SLC8A1: variants seen among roughly 807,000 people sequenced by gnomAD.
The protein encoded by SLC8A1 is sodium/calcium exchanger 1.
SLC8A1 carries 18 observed loss-of-function variants against 68.3 expected under a neutral mutation model. The observed-to-expected ratio is 0.26, with a 90% CI of 0.18 to 0.39. The LOEUF is 0.39. SLC8A1 is among the 10% of genes least tolerant of loss of function. The pLI is 1.00. For missense variants in SLC8A1, 985 were observed against 1,156.7 expected, an observed-to-expected ratio of 0.85 and a Z score of 2.15; for synonymous variants, 475 against 415.5, an observed-to-expected ratio of 1.14 and a Z score of -1.74.
chr2:40,237,730 G>T (rs896222674), intron 2 of SLC8A1, among the ~76,000 whole-genome samples: 1 of 151,962 alleles, frequency 6.6e-6, no homozygotes, highest in Non-Finnish European at 1.5e-5. Flanking sequence ...CCCCATCTTT[G>T]TGGTTTTATC....
At chr2:40,402,008 A>G (rs999094144) in intron 2 of SLC8A1, among the ~76,000 whole-genome samples, 1 of 152,176 alleles carries the variant, frequency 6.6e-6, no homozygotes, top group Non-Finnish European at 1.5e-5. Context: ...CCATCCATGA[A>G]TAAGGGCTGG....
intron 1 of SLC8A1, among the ~76,000 whole-genome samples, chr2:40,480,425 G>A (rs1704556933): frequency 6.6e-6 from 1 of 152,132 alleles, no homozygotes; most frequent in African/African-American, 2.4e-5. Flanking sequence ...ATCATGTGTG[G>A]ACACAGAAAG....
intron 2 of SLC8A1, among the ~76,000 whole-genome samples, chr2:40,391,466 G>T (rs1685240831): frequency 6.6e-6 from 1 of 150,520 alleles, no homozygotes; most frequent in Non-Finnish European, 1.5e-5. Context: ...GGCAAACTAG[G>T]AGATTACAGC....
At chr2:40,250,963 G>T (rs1299168426) in intron 2 of SLC8A1, 1 of 152,140 alleles carries the variant, frequency 6.6e-6, no homozygotes, top group Non-Finnish European at 1.5e-5. Context: ...ACTCCCACCA[G>T]CTATCAAATG....
intron 2 of SLC8A1, among the ~76,000 whole-genome samples, chr2:40,426,308 T>C (rs1030837089): frequency 6.6e-6 from 1 of 151,948 alleles, no homozygotes; most frequent in Non-Finnish European, 1.5e-5. Flanking sequence ...CCTAAGAACA[T>C]ATATATAGAG....
intron 2 of SLC8A1, among the ~76,000 whole-genome samples, chr2:40,315,365 G>A (rs1329436953): frequency 6.6e-6 from 1 of 151,460 alleles, no homozygotes; most frequent in Admixed American, 6.6e-5. Flanking sequence ...AAAAATGGAA[G>A]GTTAGTCACA....
chr2:40,429,175 G>A, exon 2 of SLC8A1: 1 of 1,613,616 alleles, frequency 6.2e-7, no homozygotes, highest in Non-Finnish European at 8.5e-7. Flanking sequence ...CATGAGGCGA[G>A]TAGCTTGAAT....
At chr2:40,159,687 A>G (rs1447932067) in intron 6 of SLC8A1, among the ~76,000 whole-genome samples, 1 of 152,154 alleles carries the variant, frequency 6.6e-6, no homozygotes, top group African/African-American at 2.4e-5. Context: ...CAAATTCCAA[A>G]TCCACTCTCC....
chr2:40,459,352 T>C (rs1459678588), intron 1 of SLC8A1, among the ~76,000 whole-genome samples: 1 of 148,134 alleles, frequency 6.8e-6, no homozygotes, highest in Middle Eastern at 3.2e-3. Context: ...ACAGATAAAA[T>C]GATATAGGAC....
intron 2 of SLC8A1, among the ~76,000 whole-genome samples, chr2:40,304,814 G>A (rs2072260263): frequency 6.6e-6 from 1 of 152,106 alleles, no homozygotes; most frequent in Non-Finnish European, 1.5e-5. Flanking sequence ...GCTCAGCGAT[G>A]CTCACCTAGA....
chr2:40,099,384 A>G (rs1273079524), exon 8 of SLC8A1: 1 of 152,120 alleles, frequency 6.6e-6, no homozygotes, highest in East Asian at 1.9e-4. Context: ...TCAGTTAAGT[A>G]TTACTGATAA....
At chr2:40,386,703 T>C (rs1480889297) in intron 2 of SLC8A1, among the ~76,000 whole-genome samples, 1 of 150,638 alleles carries the variant, frequency 6.6e-6, no homozygotes, top group Non-Finnish European at 1.5e-5. Context: ...AGTCAGTAAG[T>C]CCATATATTC....
At chr2:40,340,138 A>C (rs1667224142) in intron 2 of SLC8A1, among the ~76,000 whole-genome samples, 1 of 152,236 alleles carries the variant, frequency 6.6e-6, no homozygotes, top group Non-Finnish European at 1.5e-5. Context: ...GATATATTGC[A>C]TGCTCTTTGG....
At chr2:40,317,717 G>T (rs937128548) in intron 2 of SLC8A1, among the ~76,000 whole-genome samples, 2 of 151,974 alleles carry the variant, frequency 1.3e-5, no homozygotes, top group African/African-American at 2.4e-5. Flanking sequence ...CTCAAACTCT[G>T]TAAGTCTATT....
intron 2 of SLC8A1, among the ~76,000 whole-genome samples, chr2:40,305,474 A>T (rs2072390693): frequency 6.6e-6 from 1 of 152,216 alleles, no homozygotes; most frequent in South Asian, 2.1e-4. Context: ...AGGGAGGGAG[A>T]CAAATATATA....
chr2:40,133,395 G>T (rs1358093974), intron 7 of SLC8A1, among the ~76,000 whole-genome samples: 1 of 3,010 alleles, frequency 3.3e-4, no homozygotes, highest in Non-Finnish European at 7.0e-3. Flanking sequence ...CAAAATTGGG[G>T]GGGGGGGGGG....
chr2:40,139,739 C>A (rs953916883), intron 6 of SLC8A1, 63 bp from the exon 10 acceptor site: 13 of 1,552,142 alleles, frequency 8.4e-6, no homozygotes, highest in Non-Finnish European at 1.1e-5. Flanking sequence ...TCCTCTCTCT[C>A]AATCTCTCCT....
At chr2:40,122,226 G>T (rs1544645) in intron 7 of SLC8A1, among the ~76,000 whole-genome samples, 1 of 136,096 alleles carries the variant, frequency 7.3e-6, no homozygotes, top group African/African-American at 2.8e-5. Flanking sequence ...ACACACACAC[G>T]TGTGCGCGCG....
At chr2:40,400,054 C>A (rs777342373) in intron 2 of SLC8A1, among the ~76,000 whole-genome samples, 3 of 152,130 alleles carry the variant, frequency 2.0e-5, no homozygotes, top group Non-Finnish European at 4.4e-5. Context: ...TGCATGCAGC[C>A]CCCAGTCACG....
Sources: allele counts gnomAD v4.1 joint callset (sites outside exome capture counted in the v4.1 genomes callset), GRCh38; gene constraint gnomAD v4.1.1; transcripts MANE v1.5; gene names NCBI Gene and HGNC (gene_info 2026-07-23, HGNC 2026-07-21).